TCERG1L: variants seen among roughly 807,000 people sequenced by gnomAD.
TCERG1L encodes transcription elongation regulator 1 like, also known as transcription elongation regulator 1-like protein.
Under a neutral mutation model 56.3 loss-of-function variants are expected in TCERG1L, and 37 were observed. The ratio of observed to expected loss-of-function variants is 0.66; its 90% CI spans 0.51 to 0.87. The LOEUF (loss-of-function observed/expected upper bound fraction) is 0.87, where lower values mean the gene tolerates loss of function less well. Among genes scored for constraint, TCERG1L ranks in the 40% least tolerant of loss-of-function variants. TCERG1L has a pLI of 0.00. For missense variants in TCERG1L, 799 were observed against 774.2 expected (o/e 1.03, Z -0.38); for synonymous variants, 324 against 326.3 (o/e 0.99, Z 0.08).
chr10:131,281,987 T>C (rs1846461755), intron 3 of TCERG1L, among the ~76,000 whole-genome samples: 4 of 151,324 alleles, frequency 2.6e-5, no homozygotes, highest in African/African-American at 7.3e-5. Context: ...ATACAAAAAA[T>C]TAGCCAGGCG....
At chr10:131,155,539 T>C (rs910385155) in intron 6 of TCERG1L, among the ~76,000 whole-genome samples, 4 of 152,202 alleles carry the variant, frequency 2.6e-5, no homozygotes, top group Non-Finnish European at 5.9e-5. Context: ...CCTGTCTTTA[T>C]GGAGTTCAAA....
intron 3 of TCERG1L, among the ~76,000 whole-genome samples, chr10:131,297,192 C>G (rs762912112): frequency 6.6e-6 from 1 of 152,136 alleles, no homozygotes; most frequent in Admixed American, 6.5e-5. Context: ...AGTGGTAGAT[C>G]TTCCTTAGAT....
intron 4 of TCERG1L, among the ~76,000 whole-genome samples, chr10:131,237,127 C>A (rs1845921046): frequency 6.6e-6 from 1 of 152,000 alleles, no homozygotes; most frequent in African/African-American, 2.4e-5. Flanking sequence ...ATGTCAGGCT[C>A]ACTCCTGACG....
At chr10:131,135,650 C>T (rs1845667541) in intron 7 of TCERG1L, among the ~76,000 whole-genome samples, 2 of 152,202 alleles carry the variant, frequency 1.3e-5, no homozygotes, top group African/African-American at 4.8e-5. Flanking sequence ...CCTTGTGGGG[C>T]CTCCGCCACC....
At chr10:131,200,091 G>GCTCT (rs1181081798) in intron 4 of TCERG1L, among the ~76,000 whole-genome samples, 1 of 152,118 alleles carries the variant, frequency 6.6e-6, no homozygotes, top group Non-Finnish European at 1.5e-5. Context: ...CGTCCTTAAT[G>GCTCT]CTCTGTTCAT....
intron 6 of TCERG1L, among the ~76,000 whole-genome samples, chr10:131,148,723 T>C (rs1845830554): frequency 1.3e-5 from 2 of 152,100 alleles, no homozygotes. Flanking sequence ...CTCTGGAAGA[T>C]GGAAAAGGCA....
At chr10:131,213,478 T>C (rs531309579) in intron 4 of TCERG1L, among the ~76,000 whole-genome samples, 65 of 152,312 alleles carry the variant, frequency 4.3e-4, no homozygotes, top group South Asian at 1.2e-3. Context: ...AAAATATCAT[T>C]GAGCAGCTAG....
chr10:131,279,170 G>A (rs1026868472), intron 3 of TCERG1L, among the ~76,000 whole-genome samples: 2 of 152,164 alleles, frequency 1.3e-5, no homozygotes, highest in Non-Finnish European at 2.9e-5. Flanking sequence ...CACAGGGAAG[G>A]CCCCGATACA....
intron 4 of TCERG1L, among the ~76,000 whole-genome samples, chr10:131,227,428 G>A (rs1845802899): frequency 2.0e-5 from 3 of 152,224 alleles, no homozygotes; most frequent in Admixed American, 2.0e-4. Context: ...CTGGTTCCAG[G>A]GCAGCCCAGC....
In TCERG1L at chr10:131,309,013, T is replaced by C. The variant is rs186535407; in HGVS notation, c.489+140A>G. The C allele has an allele frequency of 1.8e-4, 178 of 973,048 alleles. No homozygotes were observed. In the African/African-American group the frequency reaches 2.7e-3, roughly 15 times the overall value. The allele number at this position is 973,048 out of a possible 1,614,324, so 60.3% of individuals were successfully genotyped here. A position where few individuals can be genotyped will look rare whatever the true frequency, so the allele number is the denominator to read the frequency against. The stretch of plus-strand genomic sequence containing the variant: ...GATATTTTTGAACAAATCAATCTAA[T>C]CCTGAAATGATTTATTTCTATACCT... On this transcript the variant is annotated intron_variant, in intron 2 of 11. Transcript: ENST00000368642.
chr10:131,275,339 A>C (rs1846380437), intron 3 of TCERG1L, among the ~76,000 whole-genome samples: 1 of 152,226 alleles, frequency 6.6e-6, no homozygotes, highest in Non-Finnish European at 1.5e-5. Context: ...TCCCTGCCTC[A>C]GCAAAATGGA....
chr10:131,298,738 T>C (rs1846724710), intron 3 of TCERG1L, among the ~76,000 whole-genome samples: 2 of 152,244 alleles, frequency 1.3e-5, no homozygotes, highest in South Asian at 4.1e-4. Context: ...TTAAAATTTT[T>C]GACTTGTTTT....
intron 4 of TCERG1L, among the ~76,000 whole-genome samples, chr10:131,209,931 T>C (rs377022279): frequency 6.6e-6 from 1 of 152,210 alleles, no homozygotes; most frequent in Non-Finnish European, 1.5e-5. Context: ...TACAAATATA[T>C]TTTACACCTA....
intron 1 of TCERG1L, among the ~76,000 whole-genome samples, chr10:131,310,366 T>C (rs1271659002): frequency 1.3e-5 from 2 of 152,228 alleles, no homozygotes; most frequent in Admixed American, 6.5e-5. Context: ...ATATGTGATG[T>C]ATCATTAAGT....
intron 7 of TCERG1L, among the ~76,000 whole-genome samples, chr10:131,144,097 C>T (rs979776103): frequency 6.6e-6 from 1 of 152,156 alleles, no homozygotes; most frequent in Non-Finnish European, 1.5e-5. Flanking sequence ...CACATACACA[C>T]ACGCTCCCGA....
chr10:131,166,827 C>G lies in TCERG1L; in HGVS notation c.915G>C (p.Gln305His), dbSNP rs1846036105. The G allele has an allele frequency of 6.2e-7, 1 of 1,613,916 alleles. No individual in the cohort carries two copies. The highest frequency in any genetic ancestry group is 8.5e-7 in the Non-Finnish European group (1 of 1,179,904). The change falls in exon 5 of 12, where the codon CAG (glutamine) becomes CAC (histidine). Residue 305 changes from glutamine (Q) to histidine (H), a missense_variant. By Grantham distance (24) the Gln-to-His change is conservative. Coordinates refer to ENST00000368642, the MANE Select transcript of TCERG1L (RefSeq NM_174937.4). ...CTTCTTTGTCTCCATCCCGGCTCTT[C>G]TGGGCCCGCAGCATCAGGGCAGGAG... is the stretch of plus-strand genomic sequence containing the variant. ...ARPPALMLRA[Q>H]KSRDGDKEDK...
At chr10:131,271,306 G>A (rs1298205919) in intron 3 of TCERG1L, among the ~76,000 whole-genome samples, 17 of 152,174 alleles carry the variant, frequency 1.1e-4, no homozygotes, top group African/African-American at 3.6e-4. Flanking sequence ...CCACTGTGCC[G>A]GCTCAGCACA....
At chr10:131,169,564 A>C (rs1051704203) in intron 4 of TCERG1L, among the ~76,000 whole-genome samples, 3 of 152,224 alleles carry the variant, frequency 2.0e-5, no homozygotes, top group Non-Finnish European at 2.9e-5. Flanking sequence ...TTACTACCTA[A>C]GAATGAGCCA....
At chr10:131,257,519 A>G (rs1267893721) in intron 4 of TCERG1L, among the ~76,000 whole-genome samples, 1 of 152,230 alleles carries the variant, frequency 6.6e-6, no homozygotes, top group African/African-American at 2.4e-5. Context: ...GGGTAGTGCC[A>G]CATTAACTCT....
Sources: gnomAD v4.1 joint callset for allele counts (sites outside exome capture counted in the v4.1 genomes callset) on GRCh38, gnomAD v4.1.1 for gene constraint, MANE v1.5 for transcripts, NCBI Gene and HGNC (gene_info 2026-07-23, HGNC 2026-07-21) for gene names.